SH3PXD2B: variants seen among roughly 807,000 people sequenced by gnomAD.
SH3PXD2B encodes the protein SH3 and PX domain-containing protein 2B.
SH3PXD2B carries 37 observed loss-of-function variants against 73.1 expected under a neutral mutation model. The observed-to-expected ratio is 0.51, with a 90% CI of 0.39 to 0.67. The LOEUF is 0.67. SH3PXD2B is among the 30% of genes least tolerant of loss of function. SH3PXD2B has a pLI of 0.00. For missense variants in SH3PXD2B, 1,053 were observed against 1,197.8 expected (o/e 0.88, Z 1.78); for synonymous variants, 457 against 480.5 (o/e 0.95, Z 0.64).
At chr5:172,453,953 G>A (rs985793444) in intron 1 of SH3PXD2B, among the ~76,000 whole-genome samples, 48 of 152,286 alleles carry the variant, frequency 3.2e-4, no homozygotes, top group African/African-American at 8.9e-4. Context: ...ACCGGCTGGA[G>A]CCAGACTTTT....
intron 4 of SH3PXD2B, among the ~76,000 whole-genome samples, chr5:172,382,782 G>A (rs1375128185): frequency 6.6e-6 from 1 of 152,134 alleles, no homozygotes; most frequent in African/African-American, 2.4e-5. Flanking sequence ...AGGCTGGAGT[G>A]CAGTGGTGCA....
intron 1 of SH3PXD2B, among the ~76,000 whole-genome samples, chr5:172,434,791 T>TTTTTTTTG (rs1561581304): frequency 5.3e-5 from 8 of 149,882 alleles, no homozygotes; most frequent in African/African-American, 1.5e-4. Flanking sequence ...GGTTTTTTTT[T>TTTTTTTTG]TTTTTTTTTT....
chr5:172,336,182 CAA>C lies in SH3PXD2B; in HGVS notation c.*2185_*2186del. ...AGTATCTGAAAGCGTCGCTGAAAGG[CAA>C]AGAGCAAATCAGAAAAAAACATGTG... is the stretch of plus-strand genomic sequence containing the variant. On this transcript the variant is annotated 3_prime_UTR_variant, in exon 13 of 13. Transcript: ENST00000311601. The C allele has an allele frequency of 1.0e-6, 1 of 985,736 alleles. No homozygotes were observed. Among genetic ancestry groups the C allele is most frequent in the Non-Finnish European group, 1.2e-6 (1 of 830,160 alleles). The allele number at this position is 985,736 out of a possible 1,614,324, so 61.1% of individuals were successfully genotyped here.
intron 1 of SH3PXD2B, among the ~76,000 whole-genome samples, chr5:172,444,039 G>A (rs1223315219): frequency 1.2e-4 from 18 of 152,126 alleles, no homozygotes; most frequent in Non-Finnish European, 2.9e-5. Flanking sequence ...GCCTGTCCAA[G>A]CTCCATGCCC....
At chr5:172,361,592 G>C (rs1290506677) in intron 7 of SH3PXD2B, among the ~76,000 whole-genome samples, 2 of 152,082 alleles carry the variant, frequency 1.3e-5, no homozygotes, top group African/African-American at 4.8e-5. Context: ...TTGTGTCCTA[G>C]CCACATCATA....
intron 4 of SH3PXD2B, among the ~76,000 whole-genome samples, chr5:172,391,490 T>C (rs940796513): frequency 6.6e-6 from 1 of 152,126 alleles, no homozygotes; most frequent in Admixed American, 6.6e-5. Flanking sequence ...TGAGATGGAG[T>C]CTCACTCTGT....
At chr5:172,380,528 T>C (rs1274402084) in intron 5 of SH3PXD2B, among the ~76,000 whole-genome samples, 2 of 152,202 alleles carry the variant, frequency 1.3e-5, no homozygotes, top group Admixed American at 6.5e-5. Flanking sequence ...TTTGAGACTA[T>C]TTCCCCATAT....
chr5:172,335,562 A>T lies in SH3PXD2B; in HGVS notation c.*2807T>A, dbSNP rs1756668454. On this transcript the variant is annotated 3_prime_UTR_variant, in exon 13 of 13. Transcript: ENST00000311601. The stretch of plus-strand genomic sequence containing the variant: ...CCTATCCGCCTCACAGGCTTGCCGT[A>T]AGGATTAAAGGAGCGTGTGTGTTTA... The T allele has an allele frequency of 8.1e-7, 1 of 1,231,590 alleles. No individual in the cohort carries two copies. Among genetic ancestry groups the T allele is most frequent in the Admixed American group, 4.2e-5 (1 of 23,700 alleles). The allele number at this position is 1,231,590 out of a possible 1,614,324, so 76.3% of individuals were successfully genotyped here. A position where few individuals can be genotyped will look rare whatever the true frequency, so the allele number is the denominator to read the frequency against.
rs1482683169 is a variant in SH3PXD2B at position 172,337,203 on chromosome 5, G to A, written c.*1166C>T. The A allele has an allele frequency of 3.0e-6, 3 of 985,442 alleles. No individual in the cohort carries two copies. In the African/African-American group the frequency reaches 5.2e-5, roughly 17 times the overall value. 61.0% of individuals were successfully genotyped at this position (985,442 alleles called of 1,614,324 possible). On this transcript the variant is annotated 3_prime_UTR_variant, in exon 13 of 13. Coordinates refer to ENST00000311601, the MANE Select transcript of SH3PXD2B (RefSeq NM_001017995.3). ...CTTTGGTATAGGCTGCTGTGGGCTG[G>A]AGGGATGGTGGGTGTGGGAGCAGCC...
intron 2 of SH3PXD2B, among the ~76,000 whole-genome samples, chr5:172,419,593 A>G (rs934202507): frequency 6.6e-6 from 1 of 152,186 alleles, no homozygotes; most frequent in Non-Finnish European, 1.5e-5. Context: ...AACAGGCTCC[A>G]TGGGAGATCC....
intron 8 of SH3PXD2B, among the ~76,000 whole-genome samples, chr5:172,355,962 G>A (rs953370460): frequency 5.3e-5 from 8 of 152,196 alleles, no homozygotes; most frequent in African/African-American, 1.7e-4. Flanking sequence ...GCTTCCTCCC[G>A]AGCGTGCATT....
intron 5 of SH3PXD2B, among the ~76,000 whole-genome samples, chr5:172,380,492 C>T (rs1352491008): frequency 1.3e-5 from 2 of 152,166 alleles, no homozygotes; most frequent in East Asian, 1.9e-4. Context: ...ATCCTGTAAG[C>T]CCAGGAGGAC....
intron 10 of SH3PXD2B, among the ~76,000 whole-genome samples, chr5:172,348,638 G>GTATC (rs149273834): frequency 0.044 from 3,153 of 71,946 alleles, 143 homozygotes; most frequent in African/African-American, 0.14. Context: ...ATCTATCTAT[G>GTATC]TATCTATCTA....
rs1336298982 is a variant in SH3PXD2B, at chr5:172,339,447, G to A, written c.1658C>T (p.Thr553Ile). ...RQRTEQLRGP[T>I]PKPPGVILPM... ...CAAAATCACGCCCGGAGGCTTGGGA[G>A]TGGGGCCCCGGAGCTGCTCCGTCCT... The change falls in exon 13 of 13, where the codon ACT becomes ATT. Residue 553 changes from threonine (T) to isoleucine (I), a missense_variant. Transcript: ENST00000311601. The surrounding 1 kb of genome is among the most constrained non-coding windows in gnomAD (Gnocchi z 6.1). 2.5e-6 allele frequency: 4 copies of A among 1,614,048 alleles called. No homozygotes were observed. Among genetic ancestry groups the A allele is most frequent in the South Asian group, 1.1e-5 (1 of 91,086 alleles).
rs1756634675 is a variant in SH3PXD2B at position 172,334,262 on chromosome 5, A to G, written c.*4107T>C. 2 of 1,032,716 alleles carry G rather than the reference A, an allele frequency of 1.9e-6. No individual in the cohort carries two copies. Among genetic ancestry groups the G allele is most frequent in the African/African-American group, 1.7e-5 (1 of 57,510 alleles). 64.0% of individuals were successfully genotyped at this position (1,032,716 alleles called of 1,614,324 possible). A position where few individuals can be genotyped will look rare whatever the true frequency, so the allele number is the denominator to read the frequency against. On this transcript the variant is annotated 3_prime_UTR_variant, in exon 13 of 13. Transcript: ENST00000311601. The stretch of plus-strand genomic sequence containing the variant: ...TAGAAAGGTGCTCTGAAGGAGGTCC[A>G]TGAGCAGGCAAGGACTGTGGAGCCT...
intron 4 of SH3PXD2B, among the ~76,000 whole-genome samples, chr5:172,383,787 G>GAGACTCACCATGAGTCTCACCATGAGA (rs1757998886): frequency 6.6e-6 from 1 of 152,044 alleles, no homozygotes; most frequent in Non-Finnish European, 1.5e-5. Flanking sequence ...TTCTCACCAT[G>GAGACTCACCATGAGTCTCACCATGAGA]CTGAGCCTGA....
chr5:172,326,474 G>A (rs557883969), intron 12 of SH3PXD2B, among the ~76,000 whole-genome samples: 2 of 152,304 alleles, frequency 1.3e-5, no homozygotes, highest in South Asian at 4.1e-4. Flanking sequence ...CCTCCAAGGA[G>A]GGAGATTTGG....
chr5:172,336,895 C>G lies in SH3PXD2B; in HGVS notation c.*1474G>C. The G allele has an allele frequency of 1.0e-6, 1 of 985,428 alleles. No individual in the cohort carries two copies. Among genetic ancestry groups the G allele is most frequent in the Non-Finnish European group, 1.2e-6 (1 of 829,968 alleles). 61.0% of individuals were successfully genotyped at this position (985,428 alleles called of 1,614,324 possible). A position where few individuals can be genotyped will look rare whatever the true frequency, so the allele number is the denominator to read the frequency against. ...CCCTGGGTTTCTTCAAGGGAGAAAACAGATTTGGCAGTGCGTGAAAAAAGA... is the reference window on the plus strand; with the variant it reads ...CCCTGGGTTTCTTCAAGGGAGAAAAGAGATTTGGCAGTGCGTGAAAAAAGA... On this transcript the variant is annotated 3_prime_UTR_variant, in exon 13 of 13. Transcript: ENST00000311601.
intron 1 of SH3PXD2B, among the ~76,000 whole-genome samples, chr5:172,440,602 C>A (rs2113504668): frequency 6.6e-6 from 1 of 152,280 alleles, no homozygotes; most frequent in African/African-American, 2.4e-5. Context: ...CAGTTCAAAC[C>A]CGAGCTCCCA....
Sources: allele counts gnomAD v4.1 joint callset (sites outside exome capture counted in the v4.1 genomes callset), GRCh38; gene constraint gnomAD v4.1.1; non-coding constraint Gnocchi (gnomAD v3.1); transcripts MANE v1.5; gene names NCBI Gene and HGNC (gene_info 2026-07-23, HGNC 2026-07-21).